HIGD1C: variants seen among roughly 807,000 people sequenced by gnomAD.
HIGD1C encodes HIG1 hypoxia inducible domain family member 1C.
HIGD1C carries 11 observed loss-of-function variants against 13.1 expected under a neutral mutation model. That is an observed-to-expected ratio of 0.84 (90% confidence interval 0.53 to 1.39). The LOEUF is 1.39. Ranked by LOEUF, HIGD1C falls within the 40% of genes most tolerant of loss-of-function variation. The probability of loss-of-function intolerance (pLI) is 0.00; values close to 1 mark genes in which losing one functional copy is unlikely to be tolerated. For missense variants in HIGD1C, 110 were observed against 112.0 expected, an observed-to-expected ratio of 0.98 and a Z score of 0.08; for synonymous variants, 36 against 37.7, an observed-to-expected ratio of 0.95 and a Z score of 0.17.
chr12:50,942,666 G>A, the HIGD1C span, among the ~76,000 whole-genome samples: 7 of 152,016 alleles, frequency 4.6e-5, no homozygotes, highest in Non-Finnish European at 7.4e-5. Flanking sequence ...TGGGAGTTAA[G>A]AGGCCAGCCT....
At chr12:50,948,978 C>T (rs1229783492), upstream of HIGD1C, 32 of 129,724 alleles carry the variant, frequency 2.5e-4, no homozygotes, top group African/African-American at 8.7e-4. Context: ...CGAGGTTATT[C>T]CTTGCAGCAT....
intron 1 of HIGD1C, 156 bp downstream of exon 3, chr12:50,954,248 CTAATACATGG>C: frequency 4.0e-6 from 2 of 500,512 alleles, no homozygotes; most frequent in Non-Finnish European, 7.1e-6. Context: ...AGAATAGTTC[CTAATACATGG>C]TAAGCCCCCA....
intron 2 of HIGD1C, among the ~76,000 whole-genome samples, chr12:50,966,715 T>A (rs1336696272): frequency 6.6e-6 from 1 of 152,146 alleles, no homozygotes; most frequent in East Asian, 1.9e-4. Flanking sequence ...GGCAAAGGAG[T>A]CTCACTAAAA....
At chr12:50,968,110 G>A (rs917310546) in intron 2 of HIGD1C, among the ~76,000 whole-genome samples, 2 of 151,918 alleles carry the variant, frequency 1.3e-5, no homozygotes, top group African/African-American at 4.8e-5. Flanking sequence ...AGAAGGAGGA[G>A]GAGGAGGAGG....
intron 1 of HIGD1C, 111 bp from the exon 4 acceptor site, chr12:50,960,857 T>C (rs1939298262): frequency 1.1e-6 from 1 of 902,354 alleles, no homozygotes; most frequent in Non-Finnish European, 1.6e-6. Flanking sequence ...TAATTTTTTT[T>C]TTTTTAGAGA....
intron 1 of HIGD1C, among the ~76,000 whole-genome samples, chr12:50,957,347 C>T (rs970551332): frequency 5.9e-5 from 9 of 151,310 alleles, no homozygotes; most frequent in East Asian, 2.0e-4. Context: ...AGTAAGCATG[C>T]GCCACCACAC....
chr12:50,968,848 T>C lies in HIGD1C; in HGVS notation c.230-1594T>C, dbSNP rs141912222. 1.5e-3 allele frequency among the ~76,000 whole-genome samples: 231 copies of C among 150,366 alleles called. 8 individuals are homozygous for C. In the East Asian group the frequency reaches 0.037, roughly 24 times the overall value. ...TGAGCCACCACGCCTGACCCTAATT[T>C]TTTTATTTTTTTGTAGAAATGGGTC... On this transcript the variant is annotated intron_variant, in intron 2 of 2. Transcript: ENST00000398455.
At chr12:50,955,370 T>A (rs1939055163) in intron 1 of HIGD1C, among the ~76,000 whole-genome samples, 1 of 152,246 alleles carries the variant, frequency 6.6e-6, no homozygotes, top group Admixed American at 6.5e-5. Context: ...AAGTATTATG[T>A]GTATGTGGAC....
chr12:50,969,309 GTAAA>G (rs34305164), intron 2 of HIGD1C, among the ~76,000 whole-genome samples: 22,995 of 151,466 alleles, frequency 0.15, 1,905 homozygotes, highest in South Asian at 0.26. Context: ...AATAAAATAA[GTAAA>G]TAAATAAATC....
intron 2 of HIGD1C, 69 bp downstream of exon 4, chr12:50,961,171 A>ATCTTC: frequency 1.4e-6 from 2 of 1,459,774 alleles, no homozygotes; most frequent in Non-Finnish European, 1.9e-6. Context: ...TTATTCATTC[A>ATCTTC]TAGTAGAAGA....
chr12:50,935,500 G>A, the HIGD1C span: 1 of 152,108 alleles, frequency 6.6e-6, no homozygotes, highest in African/African-American at 2.4e-5. Flanking sequence ...TTGTTTTGTT[G>A]TTTTTTGAGA....
upstream of HIGD1C, among the ~76,000 whole-genome samples, chr12:50,949,938 T>C (rs1218440886): frequency 6.6e-6 from 1 of 152,204 alleles, no homozygotes; most frequent in Admixed American, 6.5e-5. Flanking sequence ...CTAATGTGTA[T>C]TGCCAGGGCA....
chr12:50,961,987 T>C (rs1423336065), intron 2 of HIGD1C, among the ~76,000 whole-genome samples: 1 of 152,144 alleles, frequency 6.6e-6, no homozygotes, highest in East Asian at 1.9e-4. Flanking sequence ...CCAGACACTG[T>C]TTAGAAATAT....
At chr12:50,970,020 G>A (rs1939705598) in intron 2 of HIGD1C, among the ~76,000 whole-genome samples, 1 of 152,002 alleles carries the variant, frequency 6.6e-6, no homozygotes, top group African/African-American at 2.4e-5. Flanking sequence ...AAACTCACAG[G>A]CAATTCACCC....
chr12:50,952,710 C>A (rs114908296), upstream of HIGD1C, among the ~76,000 whole-genome samples: 54 of 152,294 alleles, frequency 3.5e-4, no homozygotes, highest in African/African-American at 1.3e-3. Context: ...ATGGCCTTAC[C>A]GCCAGGTGAG....
intron 1 of HIGD1C, among the ~76,000 whole-genome samples, chr12:50,958,940 C>T (rs1047437070): frequency 1.3e-5 from 2 of 151,286 alleles, no homozygotes; most frequent in African/African-American, 4.8e-5. Context: ...TCACTTAAAC[C>T]CGGGAGGCAG....
At chr12:50,956,360 C>G (rs540737346) in intron 1 of HIGD1C, among the ~76,000 whole-genome samples, 9 of 152,182 alleles carry the variant, frequency 5.9e-5, no homozygotes, top group African/African-American at 2.2e-4. Flanking sequence ...CCACTGCACT[C>G]CAGCCTGGGC....
intron 2 of HIGD1C, among the ~76,000 whole-genome samples, chr12:50,964,418 A>G (rs1183165704): frequency 6.6e-6 from 1 of 152,186 alleles, no homozygotes; most frequent in Admixed American, 6.5e-5. Context: ...TTAGTTTTCC[A>G]TTGTCTTTAA....
At chr12:50,945,757 GA>G in the HIGD1C span, among the ~76,000 whole-genome samples, 1 of 152,300 alleles carries the variant, frequency 6.6e-6, no homozygotes, top group South Asian at 2.1e-4. Context: ...AACCATAAAA[GA>G]GCCCACATTG....
Sources: allele counts gnomAD v4.1 joint callset (sites outside exome capture counted in the v4.1 genomes callset), GRCh38; gene constraint gnomAD v4.1.1; transcripts MANE v1.5; gene names NCBI Gene and HGNC (gene_info 2026-07-23, HGNC 2026-07-21).